SNX3: variants seen among roughly 807,000 people sequenced by gnomAD.
The protein encoded by SNX3 is sorting nexin 3.
A neutral mutation model predicts 17.7 loss-of-function variants in SNX3; 5 were observed. The observed-to-expected ratio is 0.28, with a 90% CI of 0.15 to 0.59. The LOEUF is 0.59. SNX3 is among the 20% of genes least tolerant of loss of function. SNX3 has a pLI of 0.88. For synonymous variants in SNX3, 91 were observed against 76.5 expected, an observed-to-expected ratio of 1.19 and a Z score of -0.99; for missense variants, 132 against 206.8, an observed-to-expected ratio of 0.64 and a Z score of 2.22.
At chr6:108,239,260 C>A (rs1173418117) in intron 1 of SNX3, among the ~76,000 whole-genome samples, 1 of 152,086 alleles carries the variant, frequency 6.6e-6, no homozygotes. Flanking sequence ...GTCAAGCAGA[C>A]CCGGGTTCGA....
chr6:108,234,150 C>A (rs1775252080), intron 1 of SNX3, among the ~76,000 whole-genome samples: 1 of 151,842 alleles, frequency 6.6e-6, no homozygotes. Context: ...TTTACAGCCG[C>A]AATTTATCAC....
chr6:108,224,320 G>A (rs994116692), intron 1 of SNX3, among the ~76,000 whole-genome samples: 1 of 151,976 alleles, frequency 6.6e-6, no homozygotes, highest in African/African-American at 2.4e-5. Flanking sequence ...TCGCTCTGTC[G>A]CCCAGGCTGT....
chr6:108,230,329 C>A (rs759742513), intron 1 of SNX3, among the ~76,000 whole-genome samples: 27 of 152,014 alleles, frequency 1.8e-4, no homozygotes, highest in Non-Finnish European at 2.9e-4. Flanking sequence ...GTGGAAGCCA[C>A]AATTTTCTTC....
chr6:108,237,888 A>C (rs2114740267), intron 1 of SNX3, among the ~76,000 whole-genome samples: 1 of 151,950 alleles, frequency 6.6e-6, no homozygotes, highest in South Asian at 2.1e-4. Context: ...ACTTGAACTC[A>C]GGAGTTTGAG....
chr6:108,254,291 C>T (rs1280535038), intron 1 of SNX3, among the ~76,000 whole-genome samples: 1 of 151,592 alleles, frequency 6.6e-6, no homozygotes, highest in Non-Finnish European at 1.5e-5. Context: ...ATGGAGAAAC[C>T]CTGTCTCTAC....
chr6:108,256,730 A>G (rs137987063), intron 1 of SNX3, among the ~76,000 whole-genome samples: 3 of 152,250 alleles, frequency 2.0e-5, no homozygotes, highest in African/African-American at 4.8e-5. Flanking sequence ...CCAGAATATT[A>G]AAGTTATATT....
chr6:108,241,543 T>C (rs1775524022), intron 1 of SNX3, among the ~76,000 whole-genome samples: 1 of 151,954 alleles, frequency 6.6e-6, no homozygotes, highest in South Asian at 2.1e-4. Flanking sequence ...ACGCATAACC[T>C]TTGACCAGTC....
At chr6:108,225,858 T>A (rs1774958344) in intron 1 of SNX3, among the ~76,000 whole-genome samples, 1 of 151,330 alleles carries the variant, frequency 6.6e-6, no homozygotes, top group South Asian at 2.1e-4. Context: ...ATAAGAAGAT[T>A]CCATCTCTAC....
At chr6:108,251,153 T>G (rs912581653) in intron 1 of SNX3, among the ~76,000 whole-genome samples, 4 of 152,172 alleles carry the variant, frequency 2.6e-5, no homozygotes, top group Non-Finnish European at 4.4e-5. Context: ...ATGCCATGTC[T>G]TCATGCTTGC....
chr6:108,245,438 T>C (rs544254720), intron 1 of SNX3, among the ~76,000 whole-genome samples: 9 of 152,312 alleles, frequency 5.9e-5, no homozygotes, highest in East Asian at 3.9e-4. Context: ...GTCTTTATAG[T>C]AGAATGATTT....
At chr6:108,231,452 A>G (rs1184894715) in intron 1 of SNX3, among the ~76,000 whole-genome samples, 1 of 152,198 alleles carries the variant, frequency 6.6e-6, no homozygotes, top group Non-Finnish European at 1.5e-5. Context: ...CATTCAAGAC[A>G]CTGACAATAA....
intron 1 of SNX3, among the ~76,000 whole-genome samples, chr6:108,225,133 C>CCT (rs2114719876): frequency 6.6e-6 from 1 of 152,048 alleles, no homozygotes; most frequent in Admixed American, 6.5e-5. Flanking sequence ...TACAAAAAAA[C>CCT]CAGCCAGACG....
At chr6:108,236,540 C>T (rs1009865455) in intron 1 of SNX3, among the ~76,000 whole-genome samples, 6 of 151,182 alleles carry the variant, frequency 4.0e-5, no homozygotes, top group African/African-American at 4.8e-5. Context: ...CCCGCCACTA[C>T]GCCCGGCTAA....
intron 1 of SNX3, among the ~76,000 whole-genome samples, chr6:108,257,751 G>A (rs1312471829): frequency 6.6e-6 from 1 of 152,094 alleles, no homozygotes; most frequent in Non-Finnish European, 1.5e-5. Context: ...AGATCATGAG[G>A]TCAAGGGACT....
intron 1 of SNX3, among the ~76,000 whole-genome samples, chr6:108,241,491 T>A (rs1554262612): frequency 6.6e-6 from 1 of 151,684 alleles, no homozygotes; most frequent in Non-Finnish European, 1.5e-5. Flanking sequence ...TCCTGTCTCT[T>A]AAAAAAAGAA....
At chr6:108,250,512 T>C (rs1321056754) in intron 1 of SNX3, among the ~76,000 whole-genome samples, 1 of 152,166 alleles carries the variant, frequency 6.6e-6, no homozygotes, top group African/African-American at 2.4e-5. Context: ...TTATATACCA[T>C]GGGGGAATCT....
intron 1 of SNX3, among the ~76,000 whole-genome samples, chr6:108,236,066 T>C (rs9486833): frequency 0.072 from 10,917 of 152,192 alleles, 1,360 homozygotes; most frequent in African/African-American, 0.25. Flanking sequence ...AATTTAGAAA[T>C]CTGATAAAAT....
chr6:108,217,572 T>C (rs145671087), intron 2 of SNX3, among the ~76,000 whole-genome samples: 7,936 of 152,066 alleles, frequency 0.052, 286 homozygotes, highest in South Asian at 0.19. Flanking sequence ...CTGGCCAACA[T>C]GGTGAAACCC....
At chr6:108,251,445 C>T (rs1775855052) in intron 1 of SNX3, among the ~76,000 whole-genome samples, 1 of 152,136 alleles carries the variant, frequency 6.6e-6, no homozygotes, top group Admixed American at 6.6e-5. Context: ...TTAAATTTCC[C>T]AGCTTCTTTT....
Sources: allele counts gnomAD v4.1 joint callset (sites outside exome capture counted in the v4.1 genomes callset), GRCh38; gene constraint gnomAD v4.1.1; transcripts MANE v1.5; gene names NCBI Gene and HGNC (gene_info 2026-07-23, HGNC 2026-07-21).